PIEZO2: variants seen among roughly 807,000 people sequenced by gnomAD.
The protein encoded by PIEZO2 is piezo type mechanosensitive ion channel component 2.
A neutral mutation model predicts 337.3 loss-of-function variants in PIEZO2; 172 were observed. That is an observed-to-expected ratio of 0.51 (90% CI 0.45 to 0.58). PIEZO2 has a LOEUF of 0.58. Among genes scored for constraint, PIEZO2 ranks in the 20% least tolerant of loss-of-function variants. The pLI is 0.00. For missense variants in PIEZO2, 3,028 were observed against 3,391.3 expected, an observed-to-expected ratio of 0.89 and a Z score of 2.66; for synonymous variants, 1,251 against 1,228.5, an observed-to-expected ratio of 1.02 and a Z score of -0.38.
chr18:10,804,387 T>A (rs532764374), intron 8 of PIEZO2, among the ~76,000 whole-genome samples: 1 of 152,292 alleles, frequency 6.6e-6, no homozygotes, highest in South Asian at 2.1e-4. Context: ...ACTGGATGTA[T>A]TGAAGGCAGA....
In PIEZO2 at chr18:10,943,272, C is replaced by T. The variant is rs2032821332; in HGVS notation, c.287-32044G>A. ...TGGTAGATCCACCAACAGCTTGCAC[C>T]ATGTGCCTGGAAAAGCCGCAGACAC... On this transcript the variant is annotated intron_variant, in intron 3 of 55. Transcript: ENST00000674853. This position sits in a 1 kb window ranked among gnomAD's most constrained non-coding sequence, Gnocchi z 4.5. 2.0e-5 allele frequency among the ~76,000 whole-genome samples: 3 copies of T among 152,256 alleles called. No individual in the cohort carries two copies. Among genetic ancestry groups the T allele is most frequent in the African/African-American group, 7.2e-5 (3 of 41,562 alleles).
rs539048021 is a variant in PIEZO2 at position 10,992,181 on chromosome 18, G to T, written c.161-12521C>A. On this transcript the variant is annotated intron_variant, in intron 2 of 55. Coordinates refer to ENST00000674853, the MANE Select transcript of PIEZO2 (RefSeq NM_001378183.1). ...AAAATTTTCTCCCATTCTGTAGGTT[G>T]CCTGTTCACTCTGATGATAGTTTCT... is the stretch of plus-strand genomic sequence containing the variant. Among the ~76,000 whole-genome samples, 3 of 152,222 alleles carry T rather than the reference G, an allele frequency of 2.0e-5. No individual in the cohort carries two copies. In the South Asian group the frequency reaches 6.2e-4, roughly 32 times the overall value.
intron 2 of PIEZO2, among the ~76,000 whole-genome samples, chr18:11,036,509 T>A (rs2036928437): frequency 6.6e-6 from 1 of 152,126 alleles, no homozygotes; most frequent in African/African-American, 2.4e-5. Context: ...GTGCTCTGTG[T>A]TATGCTGCAT....
chr18:11,012,008 T>A (rs565672868), intron 2 of PIEZO2, among the ~76,000 whole-genome samples: 12 of 152,184 alleles, frequency 7.9e-5, no homozygotes, highest in South Asian at 2.1e-4. Context: ...AATATAAACA[T>A]CTGTAAAACC....
At chr18:10,941,692 A>G (rs1473861760) in intron 3 of PIEZO2, among the ~76,000 whole-genome samples, 1 of 152,266 alleles carries the variant, frequency 6.6e-6, no homozygotes, top group Non-Finnish European at 1.5e-5. Flanking sequence ...ATTGGAAACC[A>G]AAAGTAACAA....
At chr18:10,765,197 C>T (rs1826662485) in intron 21 of PIEZO2, among the ~76,000 whole-genome samples, 1 of 152,174 alleles carries the variant, frequency 6.6e-6, no homozygotes, top group Non-Finnish European at 1.5e-5. Flanking sequence ...GGACTGAGAC[C>T]TGACGAATAA....
At position 11,127,262 on chromosome 18, in the gene PIEZO2, C is replaced by T. The variant is rs1245150394; in HGVS notation, c.64+21263G>A. On this transcript the variant is annotated intron_variant, in intron 1 of 55. Transcript: ENST00000674853. The surrounding 1 kb of genome is among the most constrained non-coding windows in gnomAD (Gnocchi z 4.5). Reference sequence around the variant, plus strand: ...ATATAGGAGGAAACGCTCATCAGAGCACACAGCCACTGCAAAGAACTTAAA... The same window carrying T: ...ATATAGGAGGAAACGCTCATCAGAGTACACAGCCACTGCAAAGAACTTAAA... 6.6e-6 allele frequency among the ~76,000 whole-genome samples: 1 copy of T among 152,142 alleles called. No homozygotes were observed. Among genetic ancestry groups the T allele is most frequent in the Non-Finnish European group, 1.5e-5 (1 of 68,032 alleles).
chr18:10,914,269 A>ATT (rs34938210), intron 3 of PIEZO2, among the ~76,000 whole-genome samples: 3 of 149,192 alleles, frequency 2.0e-5, no homozygotes, highest in Non-Finnish European at 3.0e-5. Context: ...AAAACATGTT[A>ATT]TTTTTTTTTT....
intron 36 of PIEZO2, among the ~76,000 whole-genome samples, chr18:10,719,455 T>C (rs2036163292): frequency 6.6e-6 from 1 of 152,226 alleles, no homozygotes; most frequent in Non-Finnish European, 1.5e-5. Context: ...ACATGAGATA[T>C]TTGACTTTCT....
chr18:10,758,468 C>CA (rs2037979740), intron 26 of PIEZO2, among the ~76,000 whole-genome samples: 1 of 151,852 alleles, frequency 6.6e-6, no homozygotes, highest in African/African-American at 2.4e-5. Flanking sequence ...GTGTGTGAGA[C>CA]AGAGTCTCGC....
intron 4 of PIEZO2, among the ~76,000 whole-genome samples, chr18:10,909,078 CAG>C (rs1214586013): frequency 6.6e-6 from 1 of 152,264 alleles, no homozygotes; most frequent in East Asian, 1.9e-4. Context: ...CAAGGAGAAA[CAG>C]GGGATGAGCC....
chr18:10,922,066 C>T (rs2031453873), intron 3 of PIEZO2, among the ~76,000 whole-genome samples: 1 of 152,058 alleles, frequency 6.6e-6, no homozygotes, highest in South Asian at 2.1e-4. Context: ...GTGATCTCGC[C>T]CTGCCTCCGT....
intron 2 of PIEZO2, among the ~76,000 whole-genome samples, chr18:11,037,465 T>C (rs2036964450): frequency 6.6e-6 from 1 of 152,180 alleles, no homozygotes. Flanking sequence ...GGAAGAAAAA[T>C]ACAATTCAGT....
rs1021667367 is a variant in PIEZO2, at chr18:11,111,763, C to T, written c.64+36762G>A. Among the ~76,000 whole-genome samples the T allele has an allele frequency of 1.3e-5, 2 of 152,208 alleles. No homozygotes were observed. The highest frequency in any genetic ancestry group is 4.8e-5 in the African/African-American group (2 of 41,454). ...GCCAGGCACCAGTCTGCACCGAAAG[C>T]GTGCACAGTAGAAACCTGGCTCCTT... On this transcript the variant is annotated intron_variant, in intron 1 of 55. Coordinates refer to ENST00000674853, the MANE Select transcript of PIEZO2 (RefSeq NM_001378183.1). The surrounding 1 kb of genome is among the most constrained non-coding windows in gnomAD (Gnocchi z 6.2).
intron 3 of PIEZO2, among the ~76,000 whole-genome samples, chr18:10,917,617 T>G (rs997092420): frequency 6.6e-6 from 1 of 152,162 alleles, no homozygotes; most frequent in African/African-American, 2.4e-5. Flanking sequence ...TTTCATTTAA[T>G]TCAACAGTTT....
chr18:10,741,566 T>A (rs533040403), intron 32 of PIEZO2, among the ~76,000 whole-genome samples: 70 of 152,330 alleles, frequency 4.6e-4, no homozygotes, highest in African/African-American at 1.6e-3. Flanking sequence ...GAATAGATAC[T>A]ATGCACTGGG....
intron 1 of PIEZO2, among the ~76,000 whole-genome samples, chr18:11,084,202 C>G (rs1437063034): frequency 3.7e-5 from 5 of 134,500 alleles, no homozygotes; most frequent in South Asian, 4.6e-4. Flanking sequence ...AAAAAAAAGA[C>G]AGAGAGAGAG....
chr18:10,996,924 G>C (rs1159921683), intron 2 of PIEZO2, among the ~76,000 whole-genome samples: 1 of 152,080 alleles, frequency 6.6e-6, no homozygotes, highest in Non-Finnish European at 1.5e-5. Context: ...GCTGTGGGGA[G>C]GGGTCCCAAG....
intron 3 of PIEZO2, among the ~76,000 whole-genome samples, chr18:10,933,001 A>T (rs2032181901): frequency 6.6e-6 from 1 of 152,100 alleles, no homozygotes. Flanking sequence ...GGGAAGGGGC[A>T]TTTAGGCACA....
Sources: gnomAD v4.1 joint callset for allele counts (sites outside exome capture counted in the v4.1 genomes callset) on GRCh38, gnomAD v4.1.1 for gene constraint, Gnocchi (gnomAD v3.1) non-coding constraint, MANE v1.5 for transcripts, NCBI Gene and HGNC (gene_info 2026-07-23, HGNC 2026-07-21) for gene names.